CDH18: variants seen among roughly 807,000 people sequenced by gnomAD.
CDH18 encodes cadherin 18.
CDH18 carries 31 observed loss-of-function variants against 67.9 expected under a neutral mutation model. The ratio of observed to expected loss-of-function variants is 0.46; its 90% CI spans 0.34 to 0.62. CDH18 has a LOEUF of 0.62. Among genes scored for constraint, CDH18 ranks in the 20% least tolerant of loss-of-function variants. The pLI, the probability that CDH18 is intolerant of heterozygous loss-of-function variation, is 0.01. For synonymous variants in CDH18, 362 were observed against 347.2 expected, an observed-to-expected ratio of 1.04 and a Z score of -0.48; for missense variants, 890 against 975.5, an observed-to-expected ratio of 0.91 and a Z score of 1.17.
In CDH18 at chr5:19,506,119, A is replaced by C. The variant is rs1446985667; in HGVS notation, c.1513-3010T>G. Among the ~76,000 whole-genome samples, 5 of 140,432 alleles carry C rather than the reference A, an allele frequency of 3.6e-5. No individual in the cohort carries two copies. In the East Asian group the frequency reaches 9.7e-4, roughly 27 times the overall value. The allele number at this position is 140,432 out of a possible 152,430, so 92.1% of individuals were successfully genotyped here. A position where few individuals can be genotyped will look rare whatever the true frequency, so the allele number is the denominator to read the frequency against. ...AAATCACAAGTATTCTTATACACAC[A>C]TAACAGAGAGCCAAATCATGAGTGA... is the stretch of plus-strand genomic sequence containing the variant. On this transcript the variant is annotated intron_variant, in intron 10 of 12. Coordinates refer to ENST00000382275, the MANE Select transcript of CDH18 (RefSeq NM_004934.5).
At chr5:19,990,686 G>A (rs1799930946), upstream of CDH18, among the ~76,000 whole-genome samples, 1 of 152,110 alleles carries the variant, frequency 6.6e-6, no homozygotes, top group East Asian at 1.9e-4. Context: ...TTCTGAAACT[G>A]TGCCAATTTT....
chr5:20,323,823 A>G (rs1199405260), intron 1 of CDH18, among the ~76,000 whole-genome samples: 1 of 152,230 alleles, frequency 6.6e-6, no homozygotes, highest in African/African-American at 2.4e-5. Context: ...TATAGGAAAT[A>G]TATAACACAG....
At chr5:19,751,119 TAGAA>T (rs1187451410) in intron 3 of CDH18, among the ~76,000 whole-genome samples, 2 of 152,262 alleles carry the variant, frequency 1.3e-5, no homozygotes, top group Non-Finnish European at 2.9e-5. Flanking sequence ...CTATGGCACT[TAGAA>T]AGCCAGCGTG....
intron 1 of CDH18, among the ~76,000 whole-genome samples, chr5:20,554,405 T>C (rs2126629916): frequency 6.6e-6 from 1 of 152,392 alleles, no homozygotes; most frequent in South Asian, 2.1e-4. Flanking sequence ...TCAATATTTA[T>C]GAATGGAATT....
intron 2 of CDH18, among the ~76,000 whole-genome samples, chr5:20,184,231 A>G (rs1029846088): frequency 1.3e-5 from 2 of 152,120 alleles, no homozygotes; most frequent in Admixed American, 6.6e-5. Context: ...ACAGGCACTG[A>G]CATCCGAGGT....
chr5:20,097,227 CT>C (rs1407902993), intron 2 of CDH18, among the ~76,000 whole-genome samples: 2 of 151,918 alleles, frequency 1.3e-5, no homozygotes, highest in Admixed American at 6.6e-5. Flanking sequence ...TTTTTTCACT[CT>C]GTTAATCTGT....
chr5:20,269,880 A>C (rs1745310685), intron 1 of CDH18, among the ~76,000 whole-genome samples: 1 of 152,044 alleles, frequency 6.6e-6, no homozygotes, highest in Non-Finnish European at 1.5e-5. Flanking sequence ...TACAAATGGA[A>C]AGGAGATAAA....
chr5:20,544,620 T>C (rs896925756), intron 1 of CDH18, among the ~76,000 whole-genome samples: 1 of 151,840 alleles, frequency 6.6e-6, no homozygotes, highest in African/African-American at 2.4e-5. Flanking sequence ...AACCATTAGC[T>C]CTCATTAGAA....
chr5:20,525,449 G>A (rs1182164493), intron 1 of CDH18, among the ~76,000 whole-genome samples: 1 of 152,020 alleles, frequency 6.6e-6, no homozygotes, highest in Non-Finnish European at 1.5e-5. Context: ...AATCAGAGGG[G>A]GCAGATGGCT....
At chr5:20,191,679 A>G (rs1480679076) in intron 2 of CDH18, among the ~76,000 whole-genome samples, 2 of 152,138 alleles carry the variant, frequency 1.3e-5, no homozygotes, top group African/African-American at 2.4e-5. Flanking sequence ...TTCCTGAAAA[A>G]AACATGACCT....
chr5:20,248,115 T>C (rs1365255423), intron 2 of CDH18, among the ~76,000 whole-genome samples: 1 of 152,196 alleles, frequency 6.6e-6, no homozygotes, highest in Non-Finnish European at 1.5e-5. Flanking sequence ...TCAGTGAATT[T>C]TTTTGAAGTC....
Position 19,839,248 on chromosome 5 carries a change from G to T in CDH18, c.-256-6C>A. 4 of 410,288 alleles carry T rather than the reference G, an allele frequency of 9.7e-6. No homozygotes were observed. Among genetic ancestry groups the T allele is most frequent in the South Asian group, 3.7e-5 (1 of 27,166 alleles). The allele number at this position is 410,288 out of a possible 1,614,324, so 25.4% of individuals were successfully genotyped here. On this transcript the variant is annotated splice_region_variant and splice_polypyrimidine_tract_variant and intron_variant, in intron 2 of 12. Transcript: ENST00000382275. The stretch of plus-strand genomic sequence containing the variant: ...CACAAGCAACCATTTTCAACCTAAT[G>T]GAAAGAGAAAATTATATGTGTTACA...
chr5:19,853,518 A>G (rs1783938959), intron 2 of CDH18, among the ~76,000 whole-genome samples: 1 of 152,168 alleles, frequency 6.6e-6, no homozygotes, highest in Admixed American at 6.6e-5. Flanking sequence ...AGCTACAGAA[A>G]TTAACCACAG....
At position 20,493,356 on chromosome 5, in the gene CDH18, T is replaced by TAAAAAAAAAAA. The variant is rs148292031; in HGVS notation, c.-580+82095_-580+82105dup. Among the ~76,000 whole-genome samples the TAAAAAAAAAAA allele has an allele frequency of 8.9e-4, 42 of 47,204 alleles. 1 individual carries two copies. The highest frequency in any genetic ancestry group is 3.1e-3 in the East Asian group (3 of 978). The allele number at this position is 47,204 out of a possible 152,430, so 31.0% of individuals were successfully genotyped here. A position where few individuals can be genotyped will look rare whatever the true frequency, so the allele number is the denominator to read the frequency against. On this transcript the variant is annotated intron_variant, in intron 1 of 14. Coordinates refer to the CDH18 transcript ENST00000507958. The stretch of plus-strand genomic sequence containing the variant: ...AGGGCAAGACTCTGTTTCAGAAAAT[T>TAAAAAAAAAAA]AAAAAAAAAAAAAAAAAAAAAAAAA...
intron 2 of CDH18, among the ~76,000 whole-genome samples, chr5:19,926,754 T>C (rs1793135789): frequency 6.6e-6 from 1 of 152,108 alleles, no homozygotes; most frequent in African/African-American, 2.4e-5. Context: ...CAAATCAGTG[T>C]ATCAATTTCC....
chr5:20,452,103 C>A (rs1295268450), intron 1 of CDH18, among the ~76,000 whole-genome samples: 3 of 152,034 alleles, frequency 2.0e-5, no homozygotes, highest in Non-Finnish European at 4.4e-5. Context: ...GTCAAAAAAT[C>A]ATTTGAAATC....
chr5:19,567,368 G>C (rs1740603181), intron 8 of CDH18, among the ~76,000 whole-genome samples: 1 of 152,110 alleles, frequency 6.6e-6, no homozygotes, highest in African/African-American at 2.4e-5. Context: ...AAGTACAATA[G>C]TAAAATACAA....
intron 2 of CDH18, among the ~76,000 whole-genome samples, chr5:19,853,351 C>T (rs575900665): frequency 3.5e-4 from 53 of 152,174 alleles, no homozygotes; most frequent in African/African-American, 1.3e-3. Context: ...GATCTTATGA[C>T]TTCATTTAAC....
chr5:20,181,950 C>T (rs1188749108), intron 2 of CDH18, among the ~76,000 whole-genome samples: 1 of 152,130 alleles, frequency 6.6e-6, no homozygotes, highest in East Asian at 1.9e-4. Flanking sequence ...CTGTCTCAAA[C>T]TGCACTTTTA....
Sources: gnomAD v4.1 joint callset for allele counts (sites outside exome capture counted in the v4.1 genomes callset) on GRCh38, gnomAD v4.1.1 for gene constraint, MANE v1.5 for transcripts, NCBI Gene and HGNC (gene_info 2026-07-23, HGNC 2026-07-21) for gene names.